The following PPP2R2B variants were observed in gnomAD, a reference collection of about 807,000 sequenced individuals.
The protein encoded by PPP2R2B is serine/threonine-protein phosphatase 2A 55 kDa regulatory subunit B beta isoform.
A neutral mutation model predicts 46.0 loss-of-function variants in PPP2R2B; 5 were observed. That is an observed-to-expected ratio of 0.11 (90% CI 0.06 to 0.23). PPP2R2B has a LOEUF of 0.23. PPP2R2B is among the 10% of genes least tolerant of loss of function. The probability of loss-of-function intolerance (pLI) is 1.00; values close to 1 mark genes in which losing one functional copy is unlikely to be tolerated. For synonymous variants in PPP2R2B, 215 were observed against 206.7 expected, an observed-to-expected ratio of 1.04 and a Z score of -0.34; for missense variants, 367 against 575.0, an observed-to-expected ratio of 0.64 and a Z score of 3.70.
chr5:146,642,890 C>T (rs1454302891), intron 6 of PPP2R2B, among the ~76,000 whole-genome samples: 1 of 152,168 alleles, frequency 6.6e-6, no homozygotes, highest in Non-Finnish European at 1.5e-5. Context: ...AACCCTATCT[C>T]TACCAAACAT....
At chr5:146,708,888 T>C (rs1780055803) in intron 2 of PPP2R2B, among the ~76,000 whole-genome samples, 1 of 152,200 alleles carries the variant, frequency 6.6e-6, no homozygotes. Flanking sequence ...TGCCCTTGTC[T>C]AAATGGAACT....
intron 2 of PPP2R2B, among the ~76,000 whole-genome samples, chr5:146,814,301 T>C (rs1757803302): frequency 6.6e-6 from 1 of 152,094 alleles, no homozygotes; most frequent in African/African-American, 2.4e-5. Context: ...CTTTCTTCCC[T>C]TGTAGCTCTT....
At chr5:146,969,242 G>T (rs1161281759) in intron 1 of PPP2R2B, among the ~76,000 whole-genome samples, 1 of 152,162 alleles carries the variant, frequency 6.6e-6, no homozygotes, top group Non-Finnish European at 1.5e-5. Context: ...AAGGAAAATA[G>T]ATATTAACTA....
At chr5:146,671,618 C>T (rs1167928948) in intron 5 of PPP2R2B, among the ~76,000 whole-genome samples, 1 of 152,202 alleles carries the variant, frequency 6.6e-6, no homozygotes, top group East Asian at 1.9e-4. Context: ...CTCACAAGTA[C>T]TGCATGAAGC....
rs892098426 is a variant in PPP2R2B at position 146,642,047 on chromosome 5, T to C, written c.626-3632A>G. Among the ~76,000 whole-genome samples, 8 of 152,342 alleles carry C rather than the reference T, an allele frequency of 5.3e-5. No homozygotes were observed. The South Asian group carries it at 1.2e-3, about 24-fold the overall frequency. ...ACCTGACTGCTTACGGCATTTCTTA[T>C]TAATGCTGAGCCCAGGCAAATTACA... On this transcript the variant is annotated intron_variant, in intron 6 of 9. Coordinates refer to ENST00000394411, the MANE Select transcript of PPP2R2B (RefSeq NM_181675.4).
At chr5:146,710,835 C>T (rs772078892) in intron 2 of PPP2R2B, among the ~76,000 whole-genome samples, 2 of 152,220 alleles carry the variant, frequency 1.3e-5, no homozygotes, top group African/African-American at 2.4e-5. Flanking sequence ...AGGCCCTGTG[C>T]TACCTGCTAC....
intron 5 of PPP2R2B, among the ~76,000 whole-genome samples, chr5:146,654,970 G>A (rs1482219021): frequency 6.6e-6 from 1 of 152,204 alleles, no homozygotes; most frequent in African/African-American, 2.4e-5. Context: ...TGTTGGCAGA[G>A]TAATTGATGG....
At chr5:146,976,372 A>T (rs1352470246) in intron 1 of PPP2R2B, among the ~76,000 whole-genome samples, 1 of 152,062 alleles carries the variant, frequency 6.6e-6, no homozygotes, top group South Asian at 2.1e-4. Context: ...CCTGGCCTCA[A>T]GTGATCCACT....
intron 2 of PPP2R2B, among the ~76,000 whole-genome samples, chr5:146,815,034 A>G (rs530196896): frequency 9.2e-5 from 14 of 152,302 alleles, no homozygotes; most frequent in Non-Finnish European, 1.8e-4. Context: ...TGACTCAGAT[A>G]CGTTCCGCTG....
At chr5:146,780,494 A>C (rs1755444621) in intron 2 of PPP2R2B, among the ~76,000 whole-genome samples, 1 of 152,194 alleles carries the variant, frequency 6.6e-6, no homozygotes, top group African/African-American at 2.4e-5. Context: ...GTCCGATAGC[A>C]AAAATGACTC....
rs1753761285 is a variant in PPP2R2B at position 146,755,081 on chromosome 5, A to G, written c.71-53939T>C. ...ATAAATTTTTAAATAACTTAACAAT[A>G]CACACATGGAGACAAATGTTTAGAG... On this transcript the variant is annotated intron_variant, in intron 2 of 9. Transcript: ENST00000394411. 5.3e-5 allele frequency among the ~76,000 whole-genome samples: 8 copies of G among 152,348 alleles called. No homozygotes were observed. The South Asian group carries it at 1.7e-3, about 32-fold the overall frequency.
chr5:146,877,967 G>A, intron 2 of PPP2R2B, 35 bp downstream of exon 2: 1 of 1,600,912 alleles, frequency 6.2e-7, no homozygotes, highest in Non-Finnish European at 8.5e-7. Flanking sequence ...CTTGCGCCCG[G>A]CCCCAACGGC....
intron 5 of PPP2R2B, among the ~76,000 whole-genome samples, chr5:146,654,202 T>A (rs959069545): frequency 6.6e-6 from 1 of 152,148 alleles, no homozygotes; most frequent in African/African-American, 2.4e-5. Context: ...AGGTGTTATC[T>A]CCTCCAGCGC....
chr5:147,022,433 C>T (rs1183272096), intron 1 of PPP2R2B, among the ~76,000 whole-genome samples: 1 of 151,576 alleles, frequency 6.6e-6, no homozygotes, highest in Non-Finnish European at 1.5e-5. Flanking sequence ...TGGTAGCATG[C>T]ACCTTAGTCC....
intron 1 of PPP2R2B, among the ~76,000 whole-genome samples, chr5:147,035,670 G>C (rs545856824): frequency 6.6e-6 from 1 of 152,202 alleles, no homozygotes; most frequent in South Asian, 2.1e-4. Context: ...ATCTGCCAAG[G>C]AGTTTAGTTT....
intron 5 of PPP2R2B, among the ~76,000 whole-genome samples, chr5:146,668,715 C>T (rs1162118531): frequency 6.6e-6 from 1 of 152,102 alleles, no homozygotes; most frequent in African/African-American, 2.4e-5. Flanking sequence ...GAGTTTTCTC[C>T]CCACATGTCC....
chr5:147,019,986 G>C (rs1368315376), intron 1 of PPP2R2B, among the ~76,000 whole-genome samples: 1 of 152,080 alleles, frequency 6.6e-6, no homozygotes, highest in Non-Finnish European at 1.5e-5. Flanking sequence ...TCTCTAGAAG[G>C]CAGTCTTTGC....
chr5:147,018,723 G>A (rs1755122741), intron 1 of PPP2R2B, among the ~76,000 whole-genome samples: 1 of 152,118 alleles, frequency 6.6e-6, no homozygotes, highest in Admixed American at 6.6e-5. Context: ...AGGAGAACAA[G>A]GGTTATGGAC....
At chr5:147,068,225 T>C (rs551129119) in intron 2 of PPP2R2B, among the ~76,000 whole-genome samples, 2 of 152,344 alleles carry the variant, frequency 1.3e-5, no homozygotes, top group East Asian at 3.9e-4. Context: ...TGTCGATTAT[T>C]TTATTTCATC....
Sources: allele counts gnomAD v4.1 joint callset (sites outside exome capture counted in the v4.1 genomes callset), GRCh38; gene constraint gnomAD v4.1.1; transcripts MANE v1.5; gene names NCBI Gene and HGNC (gene_info 2026-07-23, HGNC 2026-07-21).